ATRNL1: variants seen among roughly 807,000 people sequenced by gnomAD.
ATRNL1 encodes the protein attractin like 1.
Under a neutral mutation model 182.7 loss-of-function variants are expected in ATRNL1, and 95 were observed. The observed-to-expected ratio is 0.52, with a 90% confidence interval of 0.44 to 0.62. ATRNL1 has a LOEUF of 0.62. ATRNL1 is among the 20% of genes least tolerant of loss of function. The probability of loss-of-function intolerance (pLI) is 0.00; values close to 1 mark genes in which losing one functional copy is unlikely to be tolerated. For missense variants in ATRNL1, 1,471 were observed against 1,679.5 expected (o/e 0.88, Z 2.17); for synonymous variants, 576 against 568.3 (o/e 1.01, Z -0.19).
At chr10:115,209,207 A>G (rs1239184177) in intron 8 of ATRNL1, among the ~76,000 whole-genome samples, 1 of 151,700 alleles carries the variant, frequency 6.6e-6, no homozygotes, top group Admixed American at 6.6e-5. Flanking sequence ...CTTTAAAGAA[A>G]GAGAAATATT....
intron 27 of ATRNL1, among the ~76,000 whole-genome samples, chr10:115,787,133 A>T (rs182379653): frequency 1.9e-3 from 291 of 152,346 alleles, no homozygotes; most frequent in African/African-American, 6.6e-3. Context: ...TTGTTACTTT[A>T]ACACATCAAT....
intron 10 of ATRNL1, 133 bp downstream of exon 10, chr10:115,241,858 T>G: frequency 1.3e-6 from 1 of 749,394 alleles, no homozygotes; most frequent in South Asian, 2.6e-5. Context: ...ATGGAATTCT[T>G]TCTAATTTCA....
At chr10:115,725,508 A>G (rs951027692) in intron 26 of ATRNL1, among the ~76,000 whole-genome samples, 3 of 152,206 alleles carry the variant, frequency 2.0e-5, no homozygotes, top group African/African-American at 4.8e-5. Context: ...ATCACTTGTC[A>G]TATGAGATGC....
intron 9 of ATRNL1, among the ~76,000 whole-genome samples, chr10:115,217,027 T>A (rs754087666): frequency 7.2e-5 from 11 of 152,204 alleles, no homozygotes; most frequent in Non-Finnish European, 1.2e-4. Context: ...GCAAGTGGAA[T>A]TGTGGTATAG....
intron 26 of ATRNL1, among the ~76,000 whole-genome samples, chr10:115,610,196 G>A (rs529972793): frequency 5.3e-5 from 8 of 152,222 alleles, no homozygotes; most frequent in Admixed American, 6.5e-5. Context: ...TGGAGCAACC[G>A]CAATGCAAAC....
intron 27 of ATRNL1, among the ~76,000 whole-genome samples, chr10:115,782,791 A>G (rs1444555298): frequency 1.3e-5 from 2 of 152,248 alleles, no homozygotes; most frequent in African/African-American, 4.8e-5. Context: ...AGCAGCAGTC[A>G]TAAAAATATA....
intron 19 of ATRNL1, among the ~76,000 whole-genome samples, chr10:115,389,572 A>ATATATATATATGTG (rs1564990146): frequency 8.7e-6 from 1 of 115,502 alleles, no homozygotes; most frequent in Non-Finnish European, 1.8e-5. Flanking sequence ...ATATATATAT[A>ATATATATATATGTG]TATATATATA....
chr10:115,666,475 CT>C (rs1197435269), intron 26 of ATRNL1, among the ~76,000 whole-genome samples: 7 of 152,110 alleles, frequency 4.6e-5, no homozygotes, highest in Non-Finnish European at 8.8e-5. Context: ...CAACTCCATA[CT>C]TTTGTAATTA....
chr10:115,811,788 A>G (rs1950052237), intron 27 of ATRNL1, among the ~76,000 whole-genome samples: 2 of 152,106 alleles, frequency 1.3e-5, no homozygotes, highest in Admixed American at 6.5e-5. Flanking sequence ...TGCCTTTAAT[A>G]TAGCCACTCC....
chr10:115,751,191 A>G (rs1555070533), intron 27 of ATRNL1, among the ~76,000 whole-genome samples: 1 of 152,010 alleles, frequency 6.6e-6, no homozygotes, highest in Non-Finnish European at 1.5e-5. Context: ...GTGCCTTTGA[A>G]GGTGGAAGGG....
At chr10:115,939,244 AG>A (rs1317368705) in intron 28 of ATRNL1, among the ~76,000 whole-genome samples, 1 of 152,184 alleles carries the variant, frequency 6.6e-6, no homozygotes, top group East Asian at 1.9e-4. Flanking sequence ...ATGGTCTCAA[AG>A]GAGCCTGTTT....
intron 18 of ATRNL1, among the ~76,000 whole-genome samples, chr10:115,318,027 G>A (rs1554930232): frequency 1.3e-5 from 2 of 152,042 alleles, no homozygotes; most frequent in African/African-American, 2.4e-5. Flanking sequence ...ATATTGCTGT[G>A]GGATTGTCAT....
At chr10:115,349,813 G>T (rs1481541365) in intron 19 of ATRNL1, among the ~76,000 whole-genome samples, 1 of 151,870 alleles carries the variant, frequency 6.6e-6, no homozygotes, top group Admixed American at 6.6e-5. Context: ...TTATTATTTT[G>T]CTATTGAGTT....
intron 5 of ATRNL1, among the ~76,000 whole-genome samples, chr10:115,154,512 C>T (rs1393896748): frequency 6.6e-6 from 1 of 152,022 alleles, no homozygotes; most frequent in African/African-American, 2.4e-5. Context: ...TTCTTTGTCT[C>T]TTTTGATCTT....
intron 13 of ATRNL1, 109 bp downstream of exon 13, chr10:115,268,553 A>G: frequency 4.0e-6 from 3 of 750,186 alleles, no homozygotes; most frequent in Non-Finnish European, 7.1e-6. Context: ...ACACATTAAG[A>G]CATTTAGAAA....
At chr10:115,341,695 T>A (rs1404022526) in intron 19 of ATRNL1, among the ~76,000 whole-genome samples, 1 of 152,122 alleles carries the variant, frequency 6.6e-6, no homozygotes, top group Non-Finnish European at 1.5e-5. Context: ...AGATGCTTCA[T>A]TGTTGGGTGT....
At chr10:115,262,529 A>G (rs1851435192) in intron 10 of ATRNL1, among the ~76,000 whole-genome samples, 1 of 152,042 alleles carries the variant, frequency 6.6e-6, no homozygotes, top group Non-Finnish European at 1.5e-5. Flanking sequence ...AAACAAGCAC[A>G]GATCATAAGG....
intron 26 of ATRNL1, among the ~76,000 whole-genome samples, chr10:115,554,575 T>C (rs1179445791): frequency 2.0e-5 from 3 of 151,588 alleles, no homozygotes; most frequent in African/African-American, 7.2e-5. Flanking sequence ...ATAGGCCCCA[T>C]TATTGGGGAA....
chr10:115,788,538 G>A (rs1288255657), intron 27 of ATRNL1, among the ~76,000 whole-genome samples: 1 of 152,178 alleles, frequency 6.6e-6, no homozygotes, highest in Non-Finnish European at 1.5e-5. Context: ...TTGCCTACTT[G>A]AAGGTCTAAT....
Sources: gnomAD v4.1 joint callset for allele counts (sites outside exome capture counted in the v4.1 genomes callset) on GRCh38, gnomAD v4.1.1 for gene constraint, MANE v1.5 for transcripts, NCBI Gene and HGNC (gene_info 2026-07-23, HGNC 2026-07-21) for gene names.